Variants in SESN3 observed in about 807,000 individuals in gnomAD.
SESN3 encodes the protein sestrin 3.
In SESN3, 21 loss-of-function variants were observed where a neutral mutation model predicts 55.3. The observed-to-expected ratio is 0.38, with a 90% CI of 0.27 to 0.55. The LOEUF (loss-of-function observed/expected upper bound fraction) is 0.55, where lower values mean the gene tolerates loss of function less well. Ranked by LOEUF, SESN3 falls within the 20% of genes least tolerant of loss-of-function variation. The pLI, the probability that SESN3 is intolerant of heterozygous loss-of-function variation, is 0.76. For missense variants in SESN3, 408 were observed against 604.3 expected, an observed-to-expected ratio of 0.68 and a Z score of 3.41; for synonymous variants, 181 against 203.1, an observed-to-expected ratio of 0.89 and a Z score of 0.93.
At chr11:95,229,244 G>C (rs1861004642) in intron 1 of SESN3, among the ~76,000 whole-genome samples, 1 of 152,104 alleles carries the variant, frequency 6.6e-6, no homozygotes, top group Non-Finnish European at 1.5e-5. Context: ...ATCTGGCCCT[G>C]CAGTGAAAGA....
At chr11:95,216,134 T>C (rs1379048901) in intron 1 of SESN3, among the ~76,000 whole-genome samples, 2 of 151,910 alleles carry the variant, frequency 1.3e-5, no homozygotes, top group Non-Finnish European at 2.9e-5. Flanking sequence ...AAGAAATCCT[T>C]TATCTTAAAT....
Position 95,191,539 on chromosome 11 carries a change from G to A in SESN3, c.207C>T (p.Ser69=), listed in dbSNP as rs761042349. The part of the protein sequence containing the change: ...TNFLVEEYST[S]GRLDNITQVM... The stretch of plus-strand genomic sequence containing the variant: ...CCTGTGTGATGTTGTCCAGACGACC[G>A]GATGTAGAGTATTCTTCCACAAGAA... The change falls in exon 3 of 10, where the codon TCC becomes TCT. Residue 69 remains serine (S), a synonymous_variant. Transcript: ENST00000536441. The A allele has an allele frequency of 6.8e-6, 11 of 1,612,760 alleles. No homozygotes were observed. Among genetic ancestry groups the A allele is most frequent in the South Asian group, 5.5e-5 (5 of 91,066 alleles).
chr11:95,200,055 G>A (rs897187163), intron 1 of SESN3, among the ~76,000 whole-genome samples: 39 of 152,116 alleles, frequency 2.6e-4, no homozygotes, highest in African/African-American at 8.7e-4. Context: ...AGGTACGAAT[G>A]TAAGAAAGCC....
chr11:95,216,080 A>T (rs923562875), intron 1 of SESN3, among the ~76,000 whole-genome samples: 1 of 148,274 alleles, frequency 6.7e-6, no homozygotes, highest in Non-Finnish European at 1.5e-5. Context: ...CCTGGGCAAC[A>T]GAGAGAGACT....
At position 95,166,841 on chromosome 11, in the gene SESN3, G is replaced by T. The variant is rs1859758481; in HGVS notation, c.*6414C>A. 6.6e-6 allele frequency: 1 copy of T among 152,102 alleles called. No individual in the cohort carries two copies. The highest frequency in any genetic ancestry group is 1.5e-5 in the Non-Finnish European group (1 of 68,024). 9.4% of individuals were successfully genotyped at this position (152,102 alleles called of 1,614,324 possible). On this transcript the variant is annotated 3_prime_UTR_variant, in exon 10 of 10. Transcript: ENST00000536441. ...AGTAAATGTGAAGAGAAAGAGGAAG[G>T]GGAAACTGTATTTTCTCTCCAGAGA...
In SESN3 at chr11:95,175,884, C is replaced by T. The variant is rs150856559; in HGVS notation, c.1248-242G>A. On this transcript the variant is annotated intron_variant, in intron 8 of 9. Transcript: ENST00000536441. ...AGCTTAAATTTTGTTGAAGAAAAAA[C>T]GAAGAAAAATTAAAAAGATAAACAC... is the stretch of plus-strand genomic sequence containing the variant. Among the ~76,000 whole-genome samples, 357 of 151,966 alleles carry T rather than the reference C, an allele frequency of 2.3e-3. 1 individual carries two copies. Among genetic ancestry groups the T allele is most frequent in the South Asian group, 6.9e-3 (33 of 4,806 alleles).
rs185438492 is a variant in SESN3 at position 95,167,973 on chromosome 11, C to T, written c.*5282G>A. The T allele has an allele frequency of 6.6e-6, 1 of 152,102 alleles. No homozygotes were observed. The highest frequency in any genetic ancestry group is 6.5e-5 in the Admixed American group (1 of 15,284). 9.4% of individuals were successfully genotyped at this position (152,102 alleles called of 1,614,324 possible). A position where few individuals can be genotyped will look rare whatever the true frequency, so the allele number is the denominator to read the frequency against. On this transcript the variant is annotated 3_prime_UTR_variant, in exon 10 of 10. Coordinates refer to ENST00000536441, the MANE Select transcript of SESN3 (RefSeq NM_144665.4). ...ATCCCATGGAACATTTTTTTTCCTC[C>T]CATAAGAACAGGATAGGAACAGAGG...
intron 1 of SESN3, among the ~76,000 whole-genome samples, chr11:95,216,084 A>C (rs1262260): frequency 0.98 from 139,693 of 142,032 alleles, 68,744 homozygotes; most frequent in East Asian, 1. Context: ...GGCAACAGAG[A>C]GAGACTCCAT....
intron 1 of SESN3, among the ~76,000 whole-genome samples, chr11:95,196,825 T>A (rs1424132041): frequency 6.6e-6 from 1 of 152,214 alleles, no homozygotes; most frequent in Non-Finnish European, 1.5e-5. Flanking sequence ...GTTTTGCTTT[T>A]TTAAAATTGC....
At chr11:95,219,350 C>T (rs1860817949) in intron 1 of SESN3, among the ~76,000 whole-genome samples, 2 of 151,960 alleles carry the variant, frequency 1.3e-5, no homozygotes, top group South Asian at 4.2e-4. Flanking sequence ...TACTGGAGCA[C>T]ATTTGCTGGA....
intron 6 of SESN3, among the ~76,000 whole-genome samples, 181 bp from the exon 7 acceptor site, chr11:95,179,009 A>G (rs1860011510): frequency 6.6e-6 from 1 of 152,228 alleles, no homozygotes; most frequent in Admixed American, 6.5e-5. Context: ...TCATTACCAA[A>G]TACTGGCAAT....
chr11:95,212,494 A>C (rs1170139474), intron 1 of SESN3, among the ~76,000 whole-genome samples: 1 of 152,094 alleles, frequency 6.6e-6, no homozygotes, highest in Non-Finnish European at 1.5e-5. Flanking sequence ...CTAATAGATA[A>C]TATCTCTAGA....
intron 3 of SESN3, 26 bp downstream of exon 3, chr11:95,191,378 G>T: frequency 6.5e-7 from 1 of 1,540,836 alleles, no homozygotes; most frequent in Non-Finnish European, 9.0e-7. Flanking sequence ...AAGGTGTTAT[G>T]TGAACATAGG....
chr11:95,185,192 A>G, intron 5 of SESN3, 64 bp downstream of exon 5: 1 of 902,296 alleles, frequency 1.1e-6, no homozygotes. Context: ...AATTCTCTCT[A>G]GATATTTTTA....
chr11:95,173,128 A>AAAC lies in SESN3; in HGVS notation c.*126_*127insGTT. The AAAC allele has an allele frequency of 3.7e-6, 2 of 544,664 alleles. No individual in the cohort carries two copies. The highest frequency in any genetic ancestry group is 3.7e-5 in the South Asian group (1 of 27,244). 33.7% of individuals were successfully genotyped at this position (544,664 alleles called of 1,614,324 possible). A position where few individuals can be genotyped will look rare whatever the true frequency, so the allele number is the denominator to read the frequency against. ...TACAGCCGCAAAAAACAAAAAAAAA[A>AAAC]AAACAAACGGCTAAACTTTGACACT... On this transcript the variant is annotated 3_prime_UTR_variant, in exon 10 of 10. Transcript: ENST00000536441.
At chr11:95,202,605 A>G (rs1230793013) in intron 1 of SESN3, among the ~76,000 whole-genome samples, 1 of 152,092 alleles carries the variant, frequency 6.6e-6, no homozygotes, top group Non-Finnish European at 1.5e-5. Flanking sequence ...TTAAGTGTTG[A>G]ACACTTTTTA....
rs969606972 is a variant in SESN3 at position 95,189,170 on chromosome 11, C to T, written c.525+609G>A. ...TAGTTACCACGTGCCAAGAATAGTG[C>T]TAAGCATATTGAATAATGACCTCAC... is the stretch of plus-strand genomic sequence containing the variant. On this transcript the variant is annotated intron_variant, in intron 4 of 9. Coordinates refer to ENST00000536441, the MANE Select transcript of SESN3 (RefSeq NM_144665.4). Among the ~76,000 whole-genome samples the T allele has an allele frequency of 8.6e-5, 13 of 151,920 alleles. 1 individual carries two copies. The South Asian group carries it at 2.5e-3, about 29-fold the overall frequency.
chr11:95,207,865 G>A (rs1860579592), intron 1 of SESN3, among the ~76,000 whole-genome samples: 1 of 150,452 alleles, frequency 6.6e-6, no homozygotes, highest in Non-Finnish European at 1.5e-5. Flanking sequence ...GTAGAGACTG[G>A]GTTTCATCAT....
intron 1 of SESN3, among the ~76,000 whole-genome samples, chr11:95,227,362 C>T (rs961995000): frequency 2.6e-5 from 4 of 152,050 alleles, no homozygotes; most frequent in Non-Finnish European, 5.9e-5. Flanking sequence ...CACGATTCCA[C>T]GCCCAGCTAA....
Sources: allele counts gnomAD v4.1 joint callset (sites outside exome capture counted in the v4.1 genomes callset), GRCh38; gene constraint gnomAD v4.1.1; transcripts MANE v1.5; gene names NCBI Gene and HGNC (gene_info 2026-07-23, HGNC 2026-07-21).